The following CSMD1 variants were observed in gnomAD, a reference collection of about 807,000 sequenced individuals.
CSMD1 encodes CUB and Sushi multiple domains 1, also known as CUB and sushi domain-containing protein 1.
In CSMD1, 213 loss-of-function variants were observed where a neutral mutation model predicts 417.5. That is an observed-to-expected ratio of 0.51 (90% confidence interval 0.46 to 0.57). The LOEUF (loss-of-function observed/expected upper bound fraction) is 0.57. Ranked by LOEUF, CSMD1 falls within the 20% of genes least tolerant of loss-of-function variation. CSMD1 has a pLI of 0.00. For missense variants in CSMD1, 6,923 were observed against 4,529.7 expected (o/e 1.53, Z -15.17); for synonymous variants, 2,862 against 1,736.8 (o/e 1.65, Z -16.11).
At chr8:3,892,563 T>TAATAATAATAATAATAA (rs1563184144) in intron 5 of CSMD1, among the ~76,000 whole-genome samples, 8 of 150,746 alleles carry the variant, frequency 5.3e-5, no homozygotes, top group African/African-American at 2.0e-4. Context: ...AATAATAAGA[T>TAATAATAATAATAATAA]TACTCTAAGT....
intron 7 of CSMD1, among the ~76,000 whole-genome samples, chr8:3,703,590 A>T (rs1294541124): frequency 6.6e-6 from 1 of 152,142 alleles, no homozygotes; most frequent in East Asian, 1.9e-4. Flanking sequence ...CAAGGGGCTC[A>T]TCTTGAACTA....
chr8:3,593,499 G>C (rs766957173), intron 8 of CSMD1, among the ~76,000 whole-genome samples: 1 of 152,170 alleles, frequency 6.6e-6, no homozygotes, highest in Non-Finnish European at 1.5e-5. Context: ...CTCTCACTAA[G>C]GCCAAAATGC....
At chr8:3,652,066 C>CA (rs1797884142) in intron 7 of CSMD1, among the ~76,000 whole-genome samples, 5 of 150,310 alleles carry the variant, frequency 3.3e-5, no homozygotes, top group East Asian at 2.0e-4. Flanking sequence ...TCGCACTTAC[C>CA]CCCATCAGAG....
chr8:3,774,196 A>G (rs1015345870), intron 5 of CSMD1, among the ~76,000 whole-genome samples: 1 of 152,108 alleles, frequency 6.6e-6, no homozygotes, highest in Non-Finnish European at 1.5e-5. Flanking sequence ...TGACCCTTCA[A>G]CCTTATAATT....
intron 3 of CSMD1, among the ~76,000 whole-genome samples, chr8:4,236,874 G>A (rs965830846): frequency 9.9e-5 from 15 of 152,254 alleles, no homozygotes; most frequent in African/African-American, 3.4e-4. Flanking sequence ...TCAGTGACAG[G>A]CCAGGCAATG....
At chr8:4,973,560 C>A (rs1398772116) in intron 1 of CSMD1, among the ~76,000 whole-genome samples, 1 of 152,118 alleles carries the variant, frequency 6.6e-6, no homozygotes, top group Admixed American at 6.6e-5. Context: ...AGTAAAGACT[C>A]AAAAACATCT....
intron 30 of CSMD1, among the ~76,000 whole-genome samples, chr8:3,205,875 G>A (rs1282577540): frequency 6.6e-6 from 1 of 151,968 alleles, no homozygotes; most frequent in Non-Finnish European, 1.5e-5. Flanking sequence ...AAAATAATAA[G>A]GGAAACATCT....
At chr8:3,728,703 A>G (rs1442259955) in intron 6 of CSMD1, among the ~76,000 whole-genome samples, 1 of 152,168 alleles carries the variant, frequency 6.6e-6, no homozygotes, top group Non-Finnish European at 1.5e-5. Context: ...GTAATCTTGC[A>G]AATGATGCAA....
chr8:4,460,272 T>C (rs1272935862), intron 2 of CSMD1, among the ~76,000 whole-genome samples: 3 of 152,014 alleles, frequency 2.0e-5, no homozygotes, highest in Non-Finnish European at 1.5e-5. Flanking sequence ...TAGGGAAATT[T>C]AAAAATAATA....
intron 3 of CSMD1, among the ~76,000 whole-genome samples, chr8:4,060,263 T>C (rs1304077254): frequency 6.6e-6 from 1 of 152,126 alleles, no homozygotes; most frequent in Non-Finnish European, 1.5e-5. Flanking sequence ...CTAAAAACTC[T>C]CAATAAATTA....
chr8:4,501,806 G>A (rs984880275), intron 2 of CSMD1, among the ~76,000 whole-genome samples: 3 of 152,088 alleles, frequency 2.0e-5, no homozygotes, highest in African/African-American at 4.8e-5. Context: ...ACATGCAAGC[G>A]TAGTGGGCCT....
chr8:3,021,766 G>A (rs72507669), intron 51 of CSMD1, among the ~76,000 whole-genome samples: 2,293 of 141,652 alleles, frequency 0.016, 18 homozygotes, highest in East Asian at 0.04. Flanking sequence ...CACAGCATCC[G>A]GAATGCACCT....
Position 3,018,553 on chromosome 8 carries a change from G to A in CSMD1, c.7953C>T (p.Gly2651=), listed in dbSNP as rs767151796. The A allele has an allele frequency of 6.2e-6, 10 of 1,613,544 alleles. No individual in the cohort carries two copies. In the East Asian group the frequency reaches 1.8e-4, roughly 29 times the overall value. The change falls in exon 52 of 70, where the codon GGC becomes GGT. Residue 2651 remains glycine, a synonymous_variant. Transcript: ENST00000635120. ...GATAIFTCNT[G]YTLVGSHVRE... ...TGACATGAGACCCCACAAGCGTGTA[G>A]CCGGTGTTGCACGTAAATATAGCTG... is the stretch of plus-strand genomic sequence containing the variant.
chr8:4,459,536 G>C (rs1047871807), intron 2 of CSMD1, among the ~76,000 whole-genome samples: 2 of 152,156 alleles, frequency 1.3e-5, no homozygotes, highest in Admixed American at 6.5e-5. Context: ...GCAATTTAGA[G>C]GAGCCTGGTG....
At chr8:3,772,426 T>C (rs1241099108) in intron 5 of CSMD1, among the ~76,000 whole-genome samples, 1 of 132,742 alleles carries the variant, frequency 7.5e-6, no homozygotes, top group Admixed American at 7.9e-5. Context: ...TATATACACA[T>C]ATATACATAC....
chr8:4,342,925 G>A (rs1035242026), intron 3 of CSMD1, among the ~76,000 whole-genome samples: 3 of 152,044 alleles, frequency 2.0e-5, no homozygotes, highest in African/African-American at 7.2e-5. Context: ...TCCAAGATAT[G>A]CTGCACACTG....
chr8:4,449,041 G>C (rs530491828), intron 2 of CSMD1, among the ~76,000 whole-genome samples: 55 of 152,260 alleles, frequency 3.6e-4, no homozygotes, highest in African/African-American at 1.2e-3. Flanking sequence ...TGGTTCTTGA[G>C]TAAAAGGCCC....
At chr8:4,909,890 C>A (rs1239243777) in intron 1 of CSMD1, among the ~76,000 whole-genome samples, 2 of 152,130 alleles carry the variant, frequency 1.3e-5, no homozygotes, top group African/African-American at 4.8e-5. Flanking sequence ...GGGGTTTGCC[C>A]AGCTTTTTCT....
chr8:4,100,519 G>C (rs923708880), intron 3 of CSMD1, among the ~76,000 whole-genome samples: 1 of 152,002 alleles, frequency 6.6e-6, no homozygotes, highest in Non-Finnish European at 1.5e-5. Flanking sequence ...ATTAAAAATG[G>C]GTATCTTATA....
Sources: gnomAD v4.1 joint callset for allele counts (sites outside exome capture counted in the v4.1 genomes callset) on GRCh38, gnomAD v4.1.1 for gene constraint, MANE v1.5 for transcripts, NCBI Gene and HGNC (gene_info 2026-07-23, HGNC 2026-07-21) for gene names.